Variants in MSRB3 observed in about 807,000 individuals in gnomAD.
MSRB3 encodes methionine-R-sulfoxide reductase B3.
A neutral mutation model predicts 21.0 loss-of-function variants in MSRB3; 13 were observed. The ratio of observed to expected loss-of-function variants is 0.62; its 90% confidence interval spans 0.40 to 0.98. The LOEUF (loss-of-function observed/expected upper bound fraction) is 0.98. Among genes scored for constraint, MSRB3 ranks in the 50% least tolerant of loss-of-function variants. The pLI is 0.00. For missense variants in MSRB3, 199 were observed against 230.3 expected, an observed-to-expected ratio of 0.86 and a Z score of 0.88; for synonymous variants, 87 against 88.6, an observed-to-expected ratio of 0.98 and a Z score of 0.10.
chr12:65,291,025 A>G (rs1222188766), intron 1 of MSRB3, among the ~76,000 whole-genome samples: 1 of 152,074 alleles, frequency 6.6e-6, no homozygotes, highest in Non-Finnish European at 1.5e-5. Context: ...TTTCTTTTAC[A>G]GCTTTAATTT....
intron 6 of MSRB3, among the ~76,000 whole-genome samples, chr12:65,461,726 C>G (rs1445810577): frequency 1.3e-5 from 2 of 152,192 alleles, no homozygotes; most frequent in African/African-American, 4.8e-5. Context: ...TGAATTCATA[C>G]TCTTTCCTTG....
At chr12:65,446,548 T>A (rs534442515) in intron 5 of MSRB3, among the ~76,000 whole-genome samples, 1 of 152,340 alleles carries the variant, frequency 6.6e-6, no homozygotes, top group South Asian at 2.1e-4. Context: ...TCTTGCCTTC[T>A]TATTCAAGAT....
chr12:65,442,432 A>C (rs1882428242), intron 5 of MSRB3, among the ~76,000 whole-genome samples: 1 of 152,024 alleles, frequency 6.6e-6, no homozygotes, highest in Non-Finnish European at 1.5e-5. Flanking sequence ...AGTTGAATGG[A>C]TCATTATTTC....
intron 2 of MSRB3, among the ~76,000 whole-genome samples, chr12:65,326,421 G>C (rs1307055187): frequency 6.6e-6 from 1 of 152,030 alleles, no homozygotes; most frequent in Non-Finnish European, 1.5e-5. Flanking sequence ...AATTATTGCA[G>C]ACTTACGGTT....
intron 6 of MSRB3, among the ~76,000 whole-genome samples, chr12:65,458,330 G>A (rs566701659): frequency 3.9e-4 from 60 of 152,272 alleles, no homozygotes; most frequent in African/African-American, 1.3e-3. Flanking sequence ...CATAGGAATT[G>A]TAGACTCATT....
intron 5 of MSRB3, among the ~76,000 whole-genome samples, chr12:65,442,353 A>G (rs1311019406): frequency 6.6e-6 from 1 of 152,074 alleles, no homozygotes; most frequent in African/African-American, 2.4e-5. Context: ...CAACCAAAAA[A>G]TGTAAGTAAT....
intron 1 of MSRB3, among the ~76,000 whole-genome samples, chr12:65,280,258 A>G (rs1409714846): frequency 6.6e-6 from 1 of 152,214 alleles, no homozygotes; most frequent in Non-Finnish European, 1.5e-5. Flanking sequence ...TTCTTTCTGC[A>G]TAGTATTGTT....
At position 65,464,966 on chromosome 12, in the gene MSRB3, T is replaced by C. The variant is rs893519648; in HGVS notation, c.*1644T>C. 3.9e-5 allele frequency: 6 copies of C among 152,232 alleles called. No individual in the cohort carries two copies. Among genetic ancestry groups the C allele is most frequent in the African/African-American group, 1.4e-4 (6 of 41,466 alleles). 9.4% of individuals were successfully genotyped at this position (152,232 alleles called of 1,614,324 possible). A position where few individuals can be genotyped will look rare whatever the true frequency, so the allele number is the denominator to read the frequency against. ...ATATTTGTAAAATGTATTGATACTC[T>C]CAGGGCAAATTCACTATATTGCTAT... On this transcript the variant is annotated 3_prime_UTR_variant, in exon 7 of 7. Transcript: ENST00000308259.
At chr12:65,416,544 A>G (rs1274902537) in intron 5 of MSRB3, among the ~76,000 whole-genome samples, 1 of 152,230 alleles carries the variant, frequency 6.6e-6, no homozygotes, top group Non-Finnish European at 1.5e-5. Context: ...TCTGTGGTAT[A>G]GCCTATTGCT....
At chr12:65,428,558 C>T (rs1881720788) in intron 5 of MSRB3, among the ~76,000 whole-genome samples, 1 of 152,132 alleles carries the variant, frequency 6.6e-6, no homozygotes. Context: ...GACTCAGGCC[C>T]TTCCTTAATT....
intron 4 of MSRB3, among the ~76,000 whole-genome samples, chr12:65,332,921 C>T (rs1316597854): frequency 6.6e-6 from 1 of 152,216 alleles, no homozygotes; most frequent in African/African-American, 2.4e-5. Context: ...ATAATTTATT[C>T]CATGGTTCAC....
chr12:65,365,691 A>G (rs1478166410), intron 4 of MSRB3, among the ~76,000 whole-genome samples: 2 of 152,216 alleles, frequency 1.3e-5, no homozygotes, highest in Non-Finnish European at 2.9e-5. Flanking sequence ...CTGTATAGCT[A>G]AATAGTTAAA....
chr12:65,338,760 A>C (rs999086185), intron 4 of MSRB3, among the ~76,000 whole-genome samples: 2 of 152,204 alleles, frequency 1.3e-5, no homozygotes, highest in African/African-American at 4.8e-5. Flanking sequence ...GCATTTGCCA[A>C]TTCTAGGCAT....
intron 5 of MSRB3, among the ~76,000 whole-genome samples, chr12:65,403,702 G>A (rs1413651089): frequency 6.6e-6 from 1 of 152,202 alleles, no homozygotes; most frequent in Non-Finnish European, 1.5e-5. Context: ...TGGCCACCCA[G>A]TTTTGTGCTT....
chr12:65,450,957 GATTGTC>G (rs1190500828), intron 5 of MSRB3, among the ~76,000 whole-genome samples: 10 of 152,188 alleles, frequency 6.6e-5, no homozygotes, highest in Admixed American at 3.9e-4. Context: ...TTCTTAGTTT[GATTGTC>G]ATTAAGTACT....
At chr12:65,454,334 A>T (rs149440741) in intron 6 of MSRB3, 3,979 of 146,664 alleles carry the variant, frequency 0.027, 126 homozygotes, top group East Asian at 0.11. Context: ...AATAAATAAA[A>T]TGTCAGTTAT....
At chr12:65,425,637 T>C (rs1317076863) in intron 5 of MSRB3, among the ~76,000 whole-genome samples, 2 of 152,182 alleles carry the variant, frequency 1.3e-5, no homozygotes, top group Non-Finnish European at 2.9e-5. Flanking sequence ...CCTACACTTT[T>C]GCCTCACCCA....
intron 5 of MSRB3, among the ~76,000 whole-genome samples, chr12:65,446,860 A>G (rs887847987): frequency 6.6e-6 from 1 of 152,222 alleles, no homozygotes; most frequent in Non-Finnish European, 1.5e-5. Context: ...CAGAATTGAC[A>G]AGAGCAAAAT....
intron 4 of MSRB3, among the ~76,000 whole-genome samples, chr12:65,329,277 TG>T (rs1334411265): frequency 6.6e-6 from 1 of 152,130 alleles, no homozygotes; most frequent in African/African-American, 2.4e-5. Flanking sequence ...TTTATCTAGG[TG>T]GAGAAAATTC....
Sources: allele counts gnomAD v4.1 joint callset (sites outside exome capture counted in the v4.1 genomes callset), GRCh38; gene constraint gnomAD v4.1.1; transcripts MANE v1.5; gene names NCBI Gene and HGNC (gene_info 2026-07-23, HGNC 2026-07-21).